Variants in DCC observed in about 807,000 individuals in gnomAD.
DCC encodes DCC netrin 1 receptor, also known as netrin receptor DCC.
A neutral mutation model predicts 172.5 loss-of-function variants in DCC; 58 were observed. The observed-to-expected ratio is 0.34, with a 90% confidence interval of 0.27 to 0.42. The LOEUF is 0.42. Among genes scored for constraint, DCC ranks in the 10% least tolerant of loss-of-function variants. DCC has a pLI of 1.00. For missense variants in DCC, 1,740 were observed against 1,791.0 expected, an observed-to-expected ratio of 0.97 and a Z score of 0.51; for synonymous variants, 709 against 644.5, an observed-to-expected ratio of 1.10 and a Z score of -1.52.
chr18:53,471,893 T>C (rs2145191701), intron 25 of DCC, among the ~76,000 whole-genome samples: 1 of 152,234 alleles, frequency 6.6e-6, no homozygotes, highest in Non-Finnish European at 1.5e-5. Flanking sequence ...ATTTGTGGTT[T>C]TGTGTTTGTT....
chr18:53,194,281 T>A (rs1381641862), intron 9 of DCC, among the ~76,000 whole-genome samples: 1 of 152,074 alleles, frequency 6.6e-6, no homozygotes, highest in Admixed American at 6.6e-5. Context: ...GAATTAAACA[T>A]CAATTTATGG....
At chr18:52,707,828 A>T (rs2036233640) in intron 1 of DCC, among the ~76,000 whole-genome samples, 1 of 152,192 alleles carries the variant, frequency 6.6e-6, no homozygotes, top group Non-Finnish European at 1.5e-5. Context: ...AGAACCAGAG[A>T]ATAAAATAGT....
intron 5 of DCC, among the ~76,000 whole-genome samples, chr18:53,005,735 G>C (rs1347244563): frequency 6.6e-6 from 1 of 152,130 alleles, no homozygotes; most frequent in East Asian, 1.9e-4. Flanking sequence ...CTCAAAAACA[G>C]AGAAGAAAAG....
chr18:52,858,440 G>T (rs974449090), intron 2 of DCC, among the ~76,000 whole-genome samples: 1 of 152,186 alleles, frequency 6.6e-6, no homozygotes, highest in Admixed American at 6.5e-5. Context: ...ACACACAGAA[G>T]CATGTGTCTA....
At chr18:52,535,057 G>T (rs762945751) in intron 1 of DCC, among the ~76,000 whole-genome samples, 2 of 152,114 alleles carry the variant, frequency 1.3e-5, no homozygotes, top group Non-Finnish European at 2.9e-5. Context: ...ATATGCATAA[G>T]TTGTCTTTGA....
intron 7 of DCC, among the ~76,000 whole-genome samples, chr18:53,144,280 T>C (rs2043873046): frequency 6.6e-6 from 1 of 152,204 alleles, no homozygotes; most frequent in South Asian, 2.1e-4. Context: ...GTTCTGGTTT[T>C]TACATTTTCT....
intron 1 of DCC, among the ~76,000 whole-genome samples, chr18:52,393,732 C>T (rs1384836821): frequency 6.6e-6 from 1 of 152,002 alleles, no homozygotes; most frequent in African/African-American, 2.4e-5. Flanking sequence ...AACCACTGTT[C>T]CAGAAAAGTG....
intron 1 of DCC, among the ~76,000 whole-genome samples, chr18:52,562,540 A>T (rs142497610): frequency 3.3e-5 from 5 of 152,304 alleles, no homozygotes; most frequent in African/African-American, 9.6e-5. Context: ...AGTTTCCAAG[A>T]AATGAAGAGT....
At chr18:53,198,856 A>G (rs1299160462) in intron 9 of DCC, among the ~76,000 whole-genome samples, 1 of 152,150 alleles carries the variant, frequency 6.6e-6, no homozygotes, top group Admixed American at 6.5e-5. Flanking sequence ...GAAATAGGTA[A>G]CTTGAATGGA....
At chr18:53,478,326 G>A (rs1335316660) in intron 25 of DCC, among the ~76,000 whole-genome samples, 1 of 152,174 alleles carries the variant, frequency 6.6e-6, no homozygotes, top group Non-Finnish European at 1.5e-5. Flanking sequence ...GAAAGATTTA[G>A]ATCTACATTA....
rs1356867293 is a variant in DCC at position 53,428,354 on chromosome 18, T to C, written c.3164-6790T>C. ...AATATATTGTATATAATATAATATA[T>C]GTTGTATATAATATAATATTATAAT... On this transcript the variant is annotated intron_variant, in intron 21 of 28. Transcript: ENST00000442544. Among the ~76,000 whole-genome samples the C allele has an allele frequency of 3.8e-5, 2 of 52,900 alleles. 1 individual carries two copies. Among genetic ancestry groups the C allele is most frequent in the Non-Finnish European group, 7.4e-5 (2 of 27,096 alleles). The allele number at this position is 52,900 out of a possible 152,430, so 34.7% of individuals were successfully genotyped here. A position where few individuals can be genotyped will look rare whatever the true frequency, so the allele number is the denominator to read the frequency against.
chr18:52,954,978 T>A (rs1324925402), intron 5 of DCC, among the ~76,000 whole-genome samples: 1 of 152,134 alleles, frequency 6.6e-6, no homozygotes, highest in African/African-American at 2.4e-5. Context: ...TTTTCATACA[T>A]GCACATCCTT....
chr18:53,157,093 T>G (rs1177423084), intron 7 of DCC, among the ~76,000 whole-genome samples: 1 of 152,176 alleles, frequency 6.6e-6, no homozygotes, highest in Non-Finnish European at 1.5e-5. Flanking sequence ...TTTCCCTTAT[T>G]GTCATAGATC....
At position 53,296,247 on chromosome 18, in the gene DCC, A is replaced by G. The variant is rs576617438; in HGVS notation, c.1912-9331A>G. On this transcript the variant is annotated intron_variant, in intron 12 of 28. Transcript: ENST00000442544. Reference sequence around the variant, plus strand: ...TTTATTCTTTCTACCTGGCACCCTCACAATCTTTCAGTCTCTCAATCTCTG... The same window carrying G: ...TTTATTCTTTCTACCTGGCACCCTCGCAATCTTTCAGTCTCTCAATCTCTG... Among the ~76,000 whole-genome samples, 74 of 152,090 alleles carry G rather than the reference A, an allele frequency of 4.9e-4. No individual in the cohort carries two copies. The South Asian group carries it at 0.012, about 26-fold the overall frequency.
chr18:53,330,261 A>T (rs932566611), intron 14 of DCC, among the ~76,000 whole-genome samples: 1 of 152,158 alleles, frequency 6.6e-6, no homozygotes, highest in East Asian at 1.9e-4. Context: ...ATTTCCCTTA[A>T]GATTGATTGT....
intron 1 of DCC, among the ~76,000 whole-genome samples, chr18:52,418,670 C>T (rs559620562): frequency 1.2e-4 from 19 of 152,154 alleles, no homozygotes; most frequent in African/African-American, 4.3e-4. Context: ...TTCACAGGTG[C>T]AACCTCTCCC....
chr18:53,225,675 A>C (rs897523223), intron 12 of DCC, among the ~76,000 whole-genome samples: 1 of 152,174 alleles, frequency 6.6e-6, no homozygotes, highest in Non-Finnish European at 1.5e-5. Context: ...TGGTTATCTC[A>C]GATTGTAGAA....
intron 6 of DCC, 128 bp from the exon 7 acceptor site, chr18:53,065,918 A>G: frequency 3.5e-4 from 337 of 969,914 alleles, no homozygotes; most frequent in Non-Finnish European, 5.2e-4. Flanking sequence ...CGAGGCTGAG[A>G]CCCCTCATGG....
chr18:53,390,048 T>C (rs1908438516), intron 16 of DCC, among the ~76,000 whole-genome samples: 1 of 152,224 alleles, frequency 6.6e-6, no homozygotes, highest in African/African-American at 2.4e-5. Flanking sequence ...GCACCTGCTT[T>C]AATTTGGCAA....
Sources: allele counts gnomAD v4.1 joint callset (sites outside exome capture counted in the v4.1 genomes callset), GRCh38; gene constraint gnomAD v4.1.1; transcripts MANE v1.5; gene names NCBI Gene and HGNC (gene_info 2026-07-23, HGNC 2026-07-21).